Variants in SORBS2 observed in about 807,000 individuals in gnomAD.
The protein encoded by SORBS2 is sorbin and SH3 domain-containing protein 2.
In SORBS2, 46 loss-of-function variants were observed where a neutral mutation model predicts 97.7. The ratio of observed to expected loss-of-function variants is 0.47; its 90% CI spans 0.37 to 0.60. SORBS2 has a LOEUF of 0.60. Ranked by LOEUF, SORBS2 falls within the 20% of genes least tolerant of loss-of-function variation. SORBS2 has a pLI of 0.00. For missense variants in SORBS2, 1,316 were observed against 1,282.3 expected (o/e 1.03, Z -0.40); for synonymous variants, 476 against 473.4 (o/e 1.01, Z -0.07).
chr4:185,866,737 A>G (rs555187784), intron 1 of SORBS2, among the ~76,000 whole-genome samples: 33 of 152,254 alleles, frequency 2.2e-4, no homozygotes, highest in Non-Finnish European at 4.4e-4. Flanking sequence ...TTGAAACCTC[A>G]GTAAAACTCG....
rs778682404 is a variant in SORBS2, at chr4:185,623,521, G to A, written c.1608C>T (p.Ser536=). The change falls in exon 7 of 15, where the codon TCC becomes TCT. Residue 536 remains serine, a synonymous_variant. Coordinates refer to ENST00000418609, the Ensembl canonical transcript of SORBS2. The surrounding 1 kb of genome is among the most constrained non-coding windows in gnomAD (Gnocchi z 6.4). ...GGTGGCTGGATCCGTAAAAGCTTTC[G>A]GAGGATGTGAAGGAAAAGTGATCAA... 5 of 1,614,010 alleles carry A rather than the reference G, an allele frequency of 3.1e-6. No homozygotes were observed. Among genetic ancestry groups the A allele is most frequent in the Admixed American group, 1.7e-5 (1 of 60,014 alleles).
intron 2 of SORBS2, among the ~76,000 whole-genome samples, chr4:185,710,531 A>C (rs1047538435): frequency 4.6e-5 from 7 of 152,234 alleles, no homozygotes; most frequent in Non-Finnish European, 8.8e-5. Context: ...TTGAAGATGG[A>C]ATGAATGTGT....
intron 2 of SORBS2, among the ~76,000 whole-genome samples, chr4:185,696,578 C>T (rs1383157379): frequency 3.9e-5 from 6 of 152,082 alleles, no homozygotes; most frequent in South Asian, 4.2e-4. Context: ...CTCAGCCTCC[C>T]GAGTAGCTGG....
chr4:185,710,711 G>C (rs2098411508), intron 2 of SORBS2, among the ~76,000 whole-genome samples: 1 of 152,200 alleles, frequency 6.6e-6, no homozygotes, highest in Non-Finnish European at 1.5e-5. Flanking sequence ...ATCAGTTTCA[G>C]AACTTGAGTG....
At chr4:185,644,670 G>A (rs2097179772) in intron 4 of SORBS2, among the ~76,000 whole-genome samples, 1 of 152,154 alleles carries the variant, frequency 6.6e-6, no homozygotes, top group African/African-American at 2.4e-5. Context: ...TAATAGGGCT[G>A]CTGGAAACTT....
intron 1 of SORBS2, among the ~76,000 whole-genome samples, chr4:185,867,073 G>A (rs756980040): frequency 1.2e-4 from 18 of 152,022 alleles, no homozygotes; most frequent in South Asian, 8.3e-4. Context: ...GTGTGGTGGC[G>A]CCAGCTTGGC....
intron 2 of SORBS2, among the ~76,000 whole-genome samples, chr4:185,729,192 G>A (rs2098593914): frequency 6.6e-6 from 1 of 152,214 alleles, no homozygotes; most frequent in African/African-American, 2.4e-5. Context: ...CTTATGTGGT[G>A]AAGTATAAGT....
At chr4:185,927,671 C>G (rs1019164884) in intron 1 of SORBS2, among the ~76,000 whole-genome samples, 8 of 152,018 alleles carry the variant, frequency 5.3e-5, no homozygotes, top group African/African-American at 1.9e-4. Context: ...AAATAAAAGC[C>G]CAATTACTTC....
chr4:185,824,051 AT>A (rs2099198366), intron 1 of SORBS2, among the ~76,000 whole-genome samples: 1 of 152,152 alleles, frequency 6.6e-6, no homozygotes, highest in South Asian at 2.1e-4. Flanking sequence ...CAAAATGGCC[AT>A]GGTTACTGCA....
At chr4:185,719,282 T>C (rs1226454925) in intron 2 of SORBS2, among the ~76,000 whole-genome samples, 1 of 152,206 alleles carries the variant, frequency 6.6e-6, no homozygotes, top group Non-Finnish European at 1.5e-5. Context: ...AGAAAGCTCC[T>C]TGAAGAATGA....
At chr4:185,792,139 T>C (rs2099082865) in intron 1 of SORBS2, among the ~76,000 whole-genome samples, 2 of 152,256 alleles carry the variant, frequency 1.3e-5, no homozygotes, top group Admixed American at 1.3e-4. Flanking sequence ...GCTACCTAAA[T>C]TTCCTTTGGC....
At chr4:185,601,204 G>A (rs1251092513) in intron 12 of SORBS2, among the ~76,000 whole-genome samples, 2 of 152,222 alleles carry the variant, frequency 1.3e-5, no homozygotes, top group Non-Finnish European at 2.9e-5. Flanking sequence ...CGTGGCAGAC[G>A]ATGCTTGATG....
chr4:185,925,509 A>G (rs1267111132), intron 1 of SORBS2, among the ~76,000 whole-genome samples: 1 of 152,122 alleles, frequency 6.6e-6, no homozygotes, highest in Non-Finnish European at 1.5e-5. Context: ...AACCATTATA[A>G]CTTTTGCTTG....
chr4:185,856,911 T>G (rs1349538353), intron 1 of SORBS2, among the ~76,000 whole-genome samples: 1 of 152,064 alleles, frequency 6.6e-6, no homozygotes, highest in Non-Finnish European at 1.5e-5. Flanking sequence ...CACACTGAAA[T>G]CATCAGCTCT....
intron 1 of SORBS2, among the ~76,000 whole-genome samples, chr4:185,945,767 T>A (rs769760345): frequency 1.3e-4 from 20 of 152,168 alleles, no homozygotes; most frequent in Non-Finnish European, 2.2e-4. Context: ...GCTGGCTAAG[T>A]GTGTGAGCAG....
intron 2 of SORBS2, among the ~76,000 whole-genome samples, chr4:185,717,226 G>A (rs113462474): frequency 6.8e-4 from 103 of 152,338 alleles, no homozygotes; most frequent in Admixed American, 1.6e-3. Context: ...TCAGGGAGTT[G>A]CTAGGAGATG....
At chr4:185,943,506 C>A (rs1397909304) in intron 1 of SORBS2, among the ~76,000 whole-genome samples, 3 of 152,098 alleles carry the variant, frequency 2.0e-5, no homozygotes, top group Non-Finnish European at 4.4e-5. Context: ...TAATAGGAAC[C>A]AAAGGGAACA....
intron 1 of SORBS2, among the ~76,000 whole-genome samples, chr4:185,875,181 A>G (rs892920592): frequency 7.2e-5 from 11 of 152,210 alleles, no homozygotes; most frequent in African/African-American, 2.2e-4. Context: ...TAAATGCAAG[A>G]TATCTATTGG....
chr4:185,628,101 TTGC>T (rs1429093942), intron 5 of SORBS2, among the ~76,000 whole-genome samples: 2 of 152,252 alleles, frequency 1.3e-5, no homozygotes, highest in African/African-American at 4.8e-5. Context: ...GACATCTTGG[TTGC>T]TTCCAACTTC....
Sources: allele counts gnomAD v4.1 joint callset (sites outside exome capture counted in the v4.1 genomes callset), GRCh38; gene constraint gnomAD v4.1.1; non-coding constraint Gnocchi (gnomAD v3.1); transcripts MANE v1.5; gene names NCBI Gene and HGNC (gene_info 2026-07-23, HGNC 2026-07-21).